Variants in TRUB1 observed in about 807,000 individuals in gnomAD.
TRUB1 encodes the protein TruB pseudouridine synthase family member 1.
A neutral mutation model predicts 33.9 loss-of-function variants in TRUB1; 23 were observed. The ratio of observed to expected loss-of-function variants is 0.68; its 90% CI spans 0.49 to 0.96. The LOEUF is 0.96. Among genes scored for constraint, TRUB1 ranks in the 40% least tolerant of loss-of-function variants. TRUB1 has a pLI of 0.00. For synonymous variants in TRUB1, 163 were observed against 165.4 expected (o/e 0.99, Z 0.11); for missense variants, 378 against 422.2 (o/e 0.90, Z 0.92).
At position 114,938,389 on chromosome 10, in the gene TRUB1, G is replaced by T. The variant is rs748582310; in HGVS notation, c.136G>T (p.Ala46Ser). The T allele has an allele frequency of 6.2e-7, 1 of 1,607,256 alleles. No individual in the cohort carries two copies. The highest frequency in any genetic ancestry group is 1.1e-5 in the South Asian group (1 of 90,554). ...AAGGGCTGCAGCCGCGGTGGTTGCG[G>T]CCGCGGCCAGGACCGGATCCGAAGC... is the stretch of plus-strand genomic sequence containing the variant. Reference protein sequence around the residue: ...SARAAAAVVAAAARTGSEARV... With the variant: ...SARAAAAVVASAARTGSEARV... Residue 46 changes from alanine to serine, a missense_variant, in exon 1 of 8, where the codon GCC (alanine) becomes TCC (serine). Transcript: ENST00000298746.
chr10:114,975,079 A>G (rs753439080), intron 7 of TRUB1, 44 bp from the exon 8 acceptor site: 2 of 1,568,534 alleles, frequency 1.3e-6, no homozygotes, highest in East Asian at 2.2e-5. Flanking sequence ...GAAATACTGA[A>G]TCGTTTATCT....
intron 4 of TRUB1, among the ~76,000 whole-genome samples, chr10:114,960,891 A>G (rs2084282336): frequency 2.0e-5 from 3 of 152,118 alleles, no homozygotes; most frequent in African/African-American, 7.2e-5. Flanking sequence ...GTACTTATGT[A>G]ATTAAGTCTC....
In TRUB1 at chr10:114,977,631, T is replaced by C. The variant is rs1311903701; in HGVS notation, c.*2252T>C. ...GATTTGCTTTTATGTGATTTATCTG[T>C]ATACTTTGTTCATTTATATAAATAA... On this transcript the variant is annotated 3_prime_UTR_variant, in exon 8 of 8. Coordinates refer to ENST00000298746, the MANE Select transcript of TRUB1 (RefSeq NM_139169.5). The C allele has an allele frequency of 6.6e-6, 1 of 152,082 alleles. No individual in the cohort carries two copies. Among genetic ancestry groups the C allele is most frequent in the Non-Finnish European group, 1.5e-5 (1 of 67,930 alleles). 9.4% of individuals were successfully genotyped at this position (152,082 alleles called of 1,614,324 possible). A position where few individuals can be genotyped will look rare whatever the true frequency, so the allele number is the denominator to read the frequency against.
At chr10:114,971,272 G>T (rs2084335632) in intron 5 of TRUB1, among the ~76,000 whole-genome samples, 1 of 152,124 alleles carries the variant, frequency 6.6e-6, no homozygotes, top group African/African-American at 2.4e-5. Context: ...ATATAAATTT[G>T]GAGGTTTGGC....
intron 4 of TRUB1, among the ~76,000 whole-genome samples, chr10:114,965,235 GT>G (rs1284019306): frequency 6.6e-6 from 1 of 151,044 alleles, no homozygotes; most frequent in Admixed American, 6.6e-5. Flanking sequence ...AGCCTTACAG[GT>G]TTTTTTTTAA....
chr10:114,953,464 T>A (rs967980142), intron 3 of TRUB1, among the ~76,000 whole-genome samples: 1 of 152,228 alleles, frequency 6.6e-6, no homozygotes, highest in Non-Finnish European at 1.5e-5. Context: ...TTAAAAACTG[T>A]TAATAAATAT....
intron 3 of TRUB1, among the ~76,000 whole-genome samples, chr10:114,957,125 C>T (rs2084264860): frequency 6.6e-6 from 1 of 152,188 alleles, no homozygotes; most frequent in Non-Finnish European, 1.5e-5. Flanking sequence ...TTTTATTAAG[C>T]TGCTACTGTG....
At chr10:114,971,710 A>G (rs901962886) in intron 5 of TRUB1, among the ~76,000 whole-genome samples, 2 of 152,228 alleles carry the variant, frequency 1.3e-5, no homozygotes, top group Admixed American at 6.5e-5. Context: ...ATGTTTTGGT[A>G]ACTTATATAA....
intron 6 of TRUB1, among the ~76,000 whole-genome samples, 158 bp from the exon 7 acceptor site, chr10:114,974,169 CAT>C (rs1329153683): frequency 3.9e-5 from 6 of 152,182 alleles, no homozygotes; most frequent in Non-Finnish European, 5.9e-5. Flanking sequence ...CTCACAAACA[CAT>C]ATGCTACTGG....
chr10:114,954,920 T>C (rs886251281), intron 3 of TRUB1, among the ~76,000 whole-genome samples: 3 of 151,644 alleles, frequency 2.0e-5, no homozygotes, highest in Non-Finnish European at 2.9e-5. Context: ...TTTTTTTTTT[T>C]CATGGCTATC....
At chr10:114,942,529 T>C in intron 1 of TRUB1, 116 bp from the exon 2 acceptor site, 1 of 646,352 alleles carries the variant, frequency 1.5e-6, no homozygotes. Flanking sequence ...ATGTAAAGTT[T>C]GTATAATACT....
In TRUB1 at chr10:114,975,475, C is replaced by CTT. The variant is rs35714321; in HGVS notation, c.*107_*108dup. ...TGCATTCAAAAGACAAACAATATGT[C>CTT]TTTTTTTTTTTTGCATGAAGAAAAA... On this transcript the variant is annotated 3_prime_UTR_variant, in exon 8 of 8. Transcript: ENST00000298746. 92 of 995,286 alleles carry CTT rather than the reference C, an allele frequency of 9.2e-5. No individual in the cohort carries two copies. Among genetic ancestry groups the CTT allele is most frequent in the African/African-American group, 1.4e-4 (8 of 58,752 alleles). The allele number at this position is 995,286 out of a possible 1,614,324, so 61.7% of individuals were successfully genotyped here. A position where few individuals can be genotyped will look rare whatever the true frequency, so the allele number is the denominator to read the frequency against.
intron 4 of TRUB1, among the ~76,000 whole-genome samples, chr10:114,962,858 C>A (rs2084290125): frequency 6.6e-6 from 1 of 152,096 alleles, no homozygotes; most frequent in Non-Finnish European, 1.5e-5. Context: ...GAGTTTGAAT[C>A]AAAAAAGATA....
intron 2 of TRUB1, 129 bp downstream of exon 2, chr10:114,942,872 G>A (rs1242036575): frequency 1.6e-6 from 1 of 633,754 alleles, no homozygotes. Flanking sequence ...AGATCTACTG[G>A]ATATATATAG....
At chr10:114,972,751 C>G (rs1359355988) in intron 6 of TRUB1, among the ~76,000 whole-genome samples, 1 of 152,124 alleles carries the variant, frequency 6.6e-6, no homozygotes, top group Non-Finnish European at 1.5e-5. Context: ...CCACCTATCA[C>G]TTACTATTAA....
chr10:114,964,930 GTTT>G (rs11320741), intron 4 of TRUB1, among the ~76,000 whole-genome samples: 1 of 127,622 alleles, frequency 7.8e-6, no homozygotes, highest in Non-Finnish European at 1.7e-5. Flanking sequence ...TTTTCTATAG[GTTT>G]TTTTTTTTTT....
intron 1 of TRUB1, among the ~76,000 whole-genome samples, chr10:114,939,357 A>G (rs1175606509): frequency 1.3e-5 from 2 of 152,234 alleles, no homozygotes; most frequent in Non-Finnish European, 2.9e-5. Context: ...TGAAGATGAA[A>G]GATAACTCTC....
At chr10:114,939,334 G>A (rs2084174524) in intron 1 of TRUB1, among the ~76,000 whole-genome samples, 2 of 152,190 alleles carry the variant, frequency 1.3e-5, no homozygotes, top group Non-Finnish European at 2.9e-5. Flanking sequence ...GTCTGTGCTA[G>A]CCTATAGAGA....
chr10:114,959,707 C>G lies in TRUB1; in HGVS notation c.442-19C>G. ...GTTTGCCTCACGGCCCATTTTCTCT[C>G]TTGTTTCCCTTCCTCTAGAGATATA... On this transcript the variant is annotated intron_variant, in intron 3 of 7. Transcript: ENST00000298746. The G allele has an allele frequency of 6.4e-7, 1 of 1,568,272 alleles. No homozygotes were observed. Among genetic ancestry groups the G allele is most frequent in the Non-Finnish European group, 8.8e-7 (1 of 1,138,792 alleles).
Sources: gnomAD v4.1 joint callset for allele counts (sites outside exome capture counted in the v4.1 genomes callset) on GRCh38, gnomAD v4.1.1 for gene constraint, MANE v1.5 for transcripts, NCBI Gene and HGNC (gene_info 2026-07-23, HGNC 2026-07-21) for gene names.